The following LINGO2 variants were observed in gnomAD, a reference collection of about 807,000 sequenced individuals.
LINGO2 encodes leucine rich repeat and Ig domain containing 2, also known as leucine-rich repeat and immunoglobulin-like domain-containing nogo receptor-interacting protein 2.
LINGO2 carries 14 observed loss-of-function variants against 30.6 expected under a neutral mutation model. The ratio of observed to expected loss-of-function variants is 0.46; its 90% CI spans 0.30 to 0.72. The LOEUF (loss-of-function observed/expected upper bound fraction) is 0.72. Ranked by LOEUF, LINGO2 falls within the 30% of genes least tolerant of loss-of-function variation. The pLI, the probability that LINGO2 is intolerant of heterozygous loss-of-function variation, is 0.07. For synonymous variants in LINGO2, 317 were observed against 288.5 expected, an observed-to-expected ratio of 1.10 and a Z score of -1.00; for missense variants, 729 against 751.7, an observed-to-expected ratio of 0.97 and a Z score of 0.35.
the LINGO2 span, among the ~76,000 whole-genome samples, chr9:28,761,968 T>C: frequency 6.6e-6 from 1 of 151,808 alleles, no homozygotes; most frequent in Non-Finnish European, 1.5e-5. Flanking sequence ...ACAATGCACA[T>C]CACATCGTGG....
At chr9:29,162,347 T>A in the LINGO2 span, among the ~76,000 whole-genome samples, 22 of 152,218 alleles carry the variant, frequency 1.4e-4, no homozygotes. Flanking sequence ...CAATAGACAG[T>A]TACCAAGGAA....
intron 3 of LINGO2, among the ~76,000 whole-genome samples, chr9:28,321,588 T>C (rs1249273206): frequency 6.6e-6 from 1 of 152,140 alleles, no homozygotes; most frequent in East Asian, 1.9e-4. Context: ...TATTAAAAGT[T>C]TATGAATTCA....
the LINGO2 span, among the ~76,000 whole-genome samples, chr9:28,878,758 T>G: frequency 6.6e-6 from 1 of 152,186 alleles, no homozygotes; most frequent in East Asian, 1.9e-4. Flanking sequence ...TCTCAATAGA[T>G]GCAGAAAAGG....
intron 2 of LINGO2, among the ~76,000 whole-genome samples, chr9:28,423,592 C>T (rs1347027097): frequency 6.6e-6 from 1 of 152,066 alleles, no homozygotes; most frequent in African/African-American, 2.4e-5. Flanking sequence ...TGATTAGTGG[C>T]ATGATTTATA....
the LINGO2 span, among the ~76,000 whole-genome samples, chr9:28,781,656 A>T: frequency 6.6e-6 from 1 of 152,120 alleles, no homozygotes; most frequent in Non-Finnish European, 1.5e-5. Flanking sequence ...ACAAGAACAC[A>T]TGTTGCCAAA....
At chr9:28,677,532 C>A in the LINGO2 span, among the ~76,000 whole-genome samples, 1 of 152,138 alleles carries the variant, frequency 6.6e-6, no homozygotes, top group Non-Finnish European at 1.5e-5. Context: ...TATTTCTGCA[C>A]ATCTTGGATG....
At chr9:28,106,220 G>T (rs989237912) in intron 4 of LINGO2, among the ~76,000 whole-genome samples, 2 of 152,078 alleles carry the variant, frequency 1.3e-5, no homozygotes, top group Non-Finnish European at 2.9e-5. Context: ...GTGCCAAAAA[G>T]ATTGGGGACT....
At chr9:29,165,073 C>T in the LINGO2 span, among the ~76,000 whole-genome samples, 2 of 151,984 alleles carry the variant, frequency 1.3e-5, no homozygotes, top group African/African-American at 4.8e-5. Flanking sequence ...AAAAATAAAA[C>T]GTTTATCCCA....
chr9:28,460,426 T>A (rs192503393), intron 2 of LINGO2, among the ~76,000 whole-genome samples: 2 of 152,276 alleles, frequency 1.3e-5, no homozygotes, highest in Admixed American at 1.3e-4. Context: ...AATTTAAACA[T>A]ATTTCCCAAT....
At chr9:28,085,822 G>C (rs1825896571) in intron 4 of LINGO2, among the ~76,000 whole-genome samples, 1 of 152,082 alleles carries the variant, frequency 6.6e-6, no homozygotes, top group Admixed American at 6.6e-5. Flanking sequence ...GGGAGGCAAA[G>C]AAAGGGACGC....
At chr9:28,354,364 A>C (rs1423481838) in intron 3 of LINGO2, among the ~76,000 whole-genome samples, 1 of 152,192 alleles carries the variant, frequency 6.6e-6, no homozygotes, top group African/African-American at 2.4e-5. Context: ...AGAAATATAA[A>C]GCAAATATGA....
chr9:29,092,136 A>G, the LINGO2 span, among the ~76,000 whole-genome samples: 1 of 152,126 alleles, frequency 6.6e-6, no homozygotes, highest in East Asian at 1.9e-4. Context: ...ACTTAATATA[A>G]CATTCCTATA....
intron 1 of LINGO2, among the ~76,000 whole-genome samples, chr9:28,498,762 G>C (rs1326979098): frequency 6.6e-6 from 1 of 152,124 alleles, no homozygotes; most frequent in African/African-American, 2.4e-5. Context: ...GCTGGGAGCT[G>C]TAGACTGTAG....
the LINGO2 span, among the ~76,000 whole-genome samples, chr9:28,823,162 T>G: frequency 1.3e-5 from 2 of 152,110 alleles, no homozygotes; most frequent in Admixed American, 6.6e-5. Flanking sequence ...GCTTTCTTTC[T>G]CCCACTCACC....
intron 4 of LINGO2, among the ~76,000 whole-genome samples, chr9:28,104,625 T>C (rs1433422368): frequency 6.6e-6 from 1 of 151,976 alleles, no homozygotes; most frequent in African/African-American, 2.4e-5. Context: ...CTCTCCATTA[T>C]TGTGGTGAAA....
chr9:28,205,219 A>G (rs1820368914), intron 4 of LINGO2, among the ~76,000 whole-genome samples: 2 of 152,218 alleles, frequency 1.3e-5, no homozygotes, highest in Non-Finnish European at 2.9e-5. Flanking sequence ...AGCATATGAT[A>G]TAACCTGATG....
chr9:27,947,835 T>C (rs182578672), downstream of LINGO2, among the ~76,000 whole-genome samples: 9 of 152,358 alleles, frequency 5.9e-5, no homozygotes, highest in East Asian at 1.7e-3. Flanking sequence ...TCTTAGCCAC[T>C]GGTGAATATT....
At chr9:28,764,819 C>G in the LINGO2 span, among the ~76,000 whole-genome samples, 1 of 151,674 alleles carries the variant, frequency 6.6e-6, no homozygotes, top group South Asian at 2.1e-4. Flanking sequence ...GATACAAAAT[C>G]AACACACAAA....
chr9:28,299,196 T>A (rs1213339612), intron 3 of LINGO2, among the ~76,000 whole-genome samples: 2 of 152,286 alleles, frequency 1.3e-5, no homozygotes, highest in East Asian at 3.9e-4. Flanking sequence ...TACTCAGCAT[T>A]CAGTGAGTTC....
Sources: allele counts gnomAD v4.1 joint callset (sites outside exome capture counted in the v4.1 genomes callset), GRCh38; gene constraint gnomAD v4.1.1; transcripts MANE v1.5; gene names NCBI Gene and HGNC (gene_info 2026-07-23, HGNC 2026-07-21).